POMGNT1: variants seen among roughly 807,000 people sequenced by gnomAD.
POMGNT1 encodes the protein protein O-linked mannose N-acetylglucosaminyltransferase 1 (beta 1,2-).
POMGNT1 carries 67 observed loss-of-function variants against 95.6 expected under a neutral mutation model. The ratio of observed to expected loss-of-function variants is 0.70; its 90% CI spans 0.58 to 0.86. The LOEUF is 0.86. Ranked by LOEUF, POMGNT1 falls within the 40% of genes least tolerant of loss-of-function variation. POMGNT1 has a pLI of 0.00. For synonymous variants in POMGNT1, 298 were observed against 317.9 expected, an observed-to-expected ratio of 0.94 and a Z score of 0.66; for missense variants, 719 against 855.2, an observed-to-expected ratio of 0.84 and a Z score of 1.99.
intron 17 of POMGNT1, chr1:46,191,142 G>A (rs1035674449): frequency 8.6e-6 from 3 of 348,258 alleles, no homozygotes; most frequent in African/African-American, 4.3e-5. Context: ...GGACGGGCTG[G>A]GCTGGGAAGG....
At position 46,192,977 on chromosome 1, in the gene POMGNT1, A is replaced by T; in HGVS notation, c.1153-19T>A. ...TGGCCTCCTAGAAGGGGAATGGGAC[A>T]TCATGGTCCCAAAGGGGTCTCTCCA... On this transcript the variant is annotated intron_variant, in intron 13 of 21. Transcript: ENST00000371984. The T allele has an allele frequency of 6.2e-7, 1 of 1,613,698 alleles. No homozygotes were observed. The highest frequency in any genetic ancestry group is 8.5e-7 in the Non-Finnish European group (1 of 1,179,572).
intron 17 of POMGNT1, chr1:46,191,135 C>T (rs1187720492): frequency 3.1e-5 from 11 of 350,986 alleles, no homozygotes; most frequent in Middle Eastern, 1.0e-3. Flanking sequence ...GGCAAAGGGA[C>T]GGGCTGGGCT....
At position 46,196,059 on chromosome 1, in the gene POMGNT1, G is replaced by A. The variant is rs201665944; in HGVS notation, c.373C>T (p.Arg125Trp). The A allele has an allele frequency of 8.1e-6, 13 of 1,613,906 alleles. No individual in the cohort carries two copies. The highest frequency in any genetic ancestry group is 3.3e-5 in the Admixed American group (2 of 60,014). Residue 125 changes from arginine (R) to tryptophan (W), a missense_variant, in exon 5 of 22, where the codon CGG becomes TGG. Arg to Trp is a moderately radical substitution (Grantham distance 101). Coordinates refer to ENST00000371984, the MANE Select transcript of POMGNT1 (RefSeq NM_017739.4). This position sits in a 1 kb window ranked among gnomAD's most constrained non-coding sequence, Gnocchi z 4.4. Reference protein sequence around the residue: ...DGTTVLEDEAREQGRGIHVIV... With the variant: ...DGTTVLEDEAWEQGRGIHVIV... ...ACATGGATGCCCCGGCCCTGCTCCC[G>A]GGCCTCATCCTCCAGCACCTACACA...
rs777809507 is a variant in POMGNT1, at chr1:46,196,027, G to A, written c.405C>T (p.Val135=). 11 of 1,614,026 alleles carry A rather than the reference G, an allele frequency of 6.8e-6. No individual in the cohort carries two copies. The East Asian group carries it at 2.2e-4, about 33-fold the overall frequency. Reference sequence around the variant, plus strand: ...AGAAACTCACCGTGGCCTGGTTGAGGACAATGACATGGATGCCCCGGCCCT... The same window carrying A: ...AGAAACTCACCGTGGCCTGGTTGAGAACAATGACATGGATGCCCCGGCCCT... ...REQGRGIHVI[V]LNQATGHVMA... is the part of the protein sequence containing the mutation. Residue 135 remains valine (V), a synonymous_variant, in exon 5 of 22, where the codon GTC becomes GTT. Coordinates refer to ENST00000371984, the MANE Select transcript of POMGNT1 (RefSeq NM_017739.4). This position sits in a 1 kb window ranked among gnomAD's most constrained non-coding sequence, Gnocchi z 4.4.
chr1:46,205,265 A>T (rs929837944), intron 1 of POMGNT1, among the ~76,000 whole-genome samples: 8 of 152,040 alleles, frequency 5.3e-5, no homozygotes, highest in Non-Finnish European at 1.2e-4. Context: ...ACCCTGTCTC[A>T]AAAAAAGAAG....
In POMGNT1 at chr1:46,219,761, C is replaced by T. The variant is rs145143376; in HGVS notation, c.-107G>A. ...AGCTGGTGACCTTGAATGAGGGCAT[C>T]GAGGCAGTGCGCTGGCTGTTGGAGG... On this transcript the variant is annotated 5_prime_UTR_variant, in exon 1 of 23. Coordinates refer to the POMGNT1 transcript ENST00000371992. The T allele has an allele frequency of 7.9e-4, 1,281 of 1,613,306 alleles. 3 individuals carry two copies. Among genetic ancestry groups the T allele is most frequent in the Admixed American group, 1.2e-3 (73 of 59,920 alleles).
At chr1:46,190,371 C>T in intron 19 of POMGNT1, 102 bp downstream of exon 19, 2 of 1,417,356 alleles carry the variant, frequency 1.4e-6, no homozygotes, top group Non-Finnish European at 2.0e-6. Context: ...GAGATGAGGG[C>T]CCTGATTTTC....
chr1:46,207,526 T>C lies in POMGNT1; in HGVS notation c.-50-9655A>G, dbSNP rs569033028. Among the ~76,000 whole-genome samples the C allele has an allele frequency of 4.6e-5, 7 of 151,356 alleles. 1 individual carries two copies. In the South Asian group the frequency reaches 1.5e-3, roughly 32 times the overall value. ...CACTAGCGTTTGCCACACTGAACTT[T>C]TCTTTCTTTCTTTCTTTCTTTTTTT... On this transcript the variant is annotated intron_variant, in intron 1 of 22. Transcript: ENST00000371992.
At chr1:46,211,621 C>A (rs1451651528) in intron 1 of POMGNT1, among the ~76,000 whole-genome samples, 3 of 152,008 alleles carry the variant, frequency 2.0e-5, no homozygotes. Context: ...TCATGACAAA[C>A]CTTTAGATAG....
upstream of POMGNT1, among the ~76,000 whole-genome samples, chr1:46,202,908 G>GC (rs913276746): frequency 9.6e-5 from 10 of 104,038 alleles, no homozygotes; most frequent in African/African-American, 3.2e-4. Flanking sequence ...CTAGCCCCTG[G>GC]GGGGGGGGGG....
chr1:46,203,188 A>G (rs1658600695), upstream of POMGNT1: 3 of 345,774 alleles, frequency 8.7e-6, no homozygotes, highest in African/African-American at 4.2e-5. Flanking sequence ...TTCAGGTCCA[A>G]CTCCAGAATC....
chr1:46,201,923 GA>G (rs1278613668), upstream of POMGNT1, among the ~76,000 whole-genome samples: 1 of 150,248 alleles, frequency 6.7e-6, no homozygotes, highest in Non-Finnish European at 1.5e-5. Flanking sequence ...TTGAGCCCAG[GA>G]GTTTGAGTCC....
rs757749808 is a variant in POMGNT1 at position 46,189,329 on chromosome 1, T to C, written c.1924A>G (p.Ile642Val). Residue 642 changes from isoleucine (I) to valine (V), a missense_variant, in exon 22 of 22, where the codon ATT (isoleucine) becomes GTT (valine). Ile to Val is a conservative substitution (Grantham distance 29, BLOSUM62 3). Around this residue, in one of 5 missense-constraint regions of POMGNT1, gnomAD observed 130 missense variants for 149.2 expected, o/e 0.87. Transcript: ENST00000371984. ...TCCTTTGGGGGTGGCTCCAGGAAAATTGGGGTGACTGAGGGTGGCTTCTTC... is the reference window on the plus strand; with the variant it reads ...TCCTTTGGGGGTGGCTCCAGGAAAACTGGGGTGACTGAGGGTGGCTTCTTC... ...SVKKPPSVTP[I>V]FLEPPPKEEG... The C allele has an allele frequency of 2.5e-5, 41 of 1,613,538 alleles. No individual in the cohort carries two copies. Among genetic ancestry groups the C allele is most frequent in the East Asian group, 1.1e-4 (5 of 44,856 alleles).
In POMGNT1 at chr1:46,194,286, G is replaced by A; in HGVS notation, c.867C>T (p.Phe289=). The A allele has an allele frequency of 6.2e-7, 1 of 1,614,178 alleles. No homozygotes were observed. The highest frequency in any genetic ancestry group is 8.5e-7 in the Non-Finnish European group (1 of 1,180,010). Residue 289 remains phenylalanine, a synonymous_variant, in exon 9 of 22, where the codon TTC becomes TTT. Coordinates refer to ENST00000371984, the MANE Select transcript of POMGNT1 (RefSeq NM_017739.4). ...CSCKDPTPIE[F]SPDPLPDNKV... is the part of the protein sequence containing the mutation. The stretch of plus-strand genomic sequence containing the variant: ...AGGCCCCACTCACTGGGTCAGGGCT[G>A]AACTCGATGGGTGTGGGGTCCTTGC...
chr1:46,193,532 T>C (rs773405394), intron 11 of POMGNT1, 32 bp downstream of exon 11: 10 of 1,613,986 alleles, frequency 6.2e-6, no homozygotes, highest in Non-Finnish European at 8.5e-6. Context: ...CATGTTGTAC[T>C]CCACCCGAGG....
At position 46,193,884 on chromosome 1, in the gene POMGNT1, A is replaced by C. The variant is rs71653997; in HGVS notation, c.921T>G (p.Ile307Met). Residue 307 changes from isoleucine (I) to methionine (M), a missense_variant, in exon 10 of 22, where the codon ATT (isoleucine) becomes ATG (methionine). Ile to Met is a conservative substitution (Grantham distance 10). Transcript: ENST00000371984. ...ACAGGTAATTGGGTCGGTTCCCTGC[A>C]ATGACAGCCACAGGCACATTGAGGA... Reference protein sequence around the residue: ...NKVLNVPVAVIAGNRPNYLYR... With the variant: ...NKVLNVPVAVMAGNRPNYLYR... The C allele has an allele frequency of 6.2e-7, 1 of 1,614,056 alleles. No homozygotes were observed. The highest frequency in any genetic ancestry group is 8.5e-7 in the Non-Finnish European group (1 of 1,180,022).
chr1:46,190,452 C>T, intron 19 of POMGNT1, 21 bp downstream of exon 19: 1 of 1,569,812 alleles, frequency 6.4e-7, no homozygotes, highest in Non-Finnish European at 8.8e-7. Context: ...CCTGCTACAC[C>T]CCAATTGTCC....
chr1:46,190,573 G>GT, intron 18 of POMGNT1, 56 bp from the exon 19 acceptor site: 1 of 1,541,770 alleles, frequency 6.5e-7, no homozygotes, highest in Non-Finnish European at 9.0e-7. Context: ...GGTCCCATGG[G>GT]TAGCACTGAG....
chr1:46,205,915 A>G (rs986623939), intron 1 of POMGNT1, among the ~76,000 whole-genome samples: 3 of 152,180 alleles, frequency 2.0e-5, no homozygotes, highest in African/African-American at 7.2e-5. Context: ...CTGTCCTTCA[A>G]TTGTTCCTCT....
Sources: gnomAD v4.1 joint callset for allele counts (sites outside exome capture counted in the v4.1 genomes callset) on GRCh38, gnomAD v4.1.1 for gene constraint, gnomAD v4.1.1 regional missense constraint, Gnocchi (gnomAD v3.1) non-coding constraint, MANE v1.5 for transcripts, NCBI Gene and HGNC (gene_info 2026-07-23, HGNC 2026-07-21) for gene names.